Variants in CCN6 observed in about 807,000 individuals in gnomAD.
CCN6 encodes the protein CCN family member 6.
Under a neutral mutation model 37.4 loss-of-function variants are expected in CCN6, and 31 were observed. The ratio of observed to expected loss-of-function variants is 0.83; its 90% confidence interval spans 0.62 to 1.12. CCN6 has a LOEUF of 1.12. Among genes scored for constraint, CCN6 ranks in the 50% most tolerant of loss-of-function variants. The pLI is 0.00. For synonymous variants in CCN6, 137 were observed against 142.1 expected (o/e 0.96, Z 0.26); for missense variants, 369 against 413.8 (o/e 0.89, Z 0.94).
At chr6:112,058,170 C>A (rs111233236) in intron 1 of CCN6, among the ~76,000 whole-genome samples, 1 of 152,282 alleles carries the variant, frequency 6.6e-6, no homozygotes, top group Non-Finnish European at 1.5e-5. Flanking sequence ...TCCAGAAGCC[C>A]AGCAGTGTCC....
chr6:112,065,579 C>CACACACACGCACACACACAA (rs1776656188), intron 3 of CCN6, among the ~76,000 whole-genome samples: 2 of 107,040 alleles, frequency 1.9e-5, no homozygotes, highest in Non-Finnish European at 4.2e-5. Flanking sequence ...CACACACAAA[C>CACACACACGCACACACACAA]ACACACACGC....
intron 3 of CCN6, among the ~76,000 whole-genome samples, chr6:112,066,298 G>T (rs1161328851): frequency 6.6e-6 from 1 of 151,942 alleles, no homozygotes; most frequent in Non-Finnish European, 1.5e-5. Flanking sequence ...AGAACAGTTG[G>T]TTTTCTGCAT....
chr6:112,058,716 C>T (rs782198788), intron 1 of CCN6, among the ~76,000 whole-genome samples: 2 of 152,206 alleles, frequency 1.3e-5, no homozygotes, highest in South Asian at 4.1e-4. Flanking sequence ...ACTACAGGCA[C>T]TTTAACTTTC....
intron 3 of CCN6, among the ~76,000 whole-genome samples, chr6:112,067,549 T>G (rs1484120393): frequency 6.6e-6 from 1 of 152,140 alleles, no homozygotes; most frequent in Non-Finnish European, 1.5e-5. Context: ...ATTCGAAATC[T>G]TAGCCAATTG....
intron 1 of CCN6, chr6:112,060,084 A>C (rs782706203): frequency 1.5e-5 from 20 of 1,364,672 alleles, no homozygotes; most frequent in Non-Finnish European, 1.9e-5. Context: ...GTGTGGAGGC[A>C]GCAAGGGGGT....
In CCN6 at chr6:112,064,954, A is replaced by G. The variant is rs781861538; in HGVS notation, c.546A>G (p.Glu182=). Residue 182 remains glutamate, a synonymous_variant, in exon 3 of 5, where the codon GAA becomes GAG. Transcript: ENST00000368666. ...CTGATCAGTCAAACTGTAGCCTGGA[A>G]CCATTACTACAGCAGCTTTCAACAA... The part of the protein sequence containing the change: ...KKSDQSNCSL[E]PLLQQLSTSY... 8 of 1,613,906 alleles carry G rather than the reference A, an allele frequency of 5.0e-6. No individual in the cohort carries two copies. The highest frequency in any genetic ancestry group is 1.7e-5 in the Admixed American group (1 of 59,988).
At chr6:112,058,209 G>A (rs781977944) in intron 1 of CCN6, among the ~76,000 whole-genome samples, 2 of 152,046 alleles carry the variant, frequency 1.3e-5, no homozygotes, top group Non-Finnish European at 2.9e-5. Flanking sequence ...CCATTCTCAC[G>A]TTGTGCATGT....
In CCN6 at chr6:112,054,366, G is replaced by C. The variant is rs1342062756; in HGVS notation, c.9G>C (p.Gly3=). The change falls in exon 1 of 5, where the codon GGG becomes GGC. Residue 3 remains glycine, a synonymous_variant. Coordinates refer to ENST00000368666, the MANE Select transcript of CCN6 (RefSeq NM_198239.2). MQ[G]LLFSTLLLAG... Reference sequence around the variant, plus strand: ...TCCACGGTCCCAGCGACATGCAGGGGCTCCTCTTCTCCACTCTTCTGCTTG... The same window carrying C: ...TCCACGGTCCCAGCGACATGCAGGGCCTCCTCTTCTCCACTCTTCTGCTTG... 1 of 1,613,592 alleles carries C rather than the reference G, an allele frequency of 6.2e-7. No individual in the cohort carries two copies. The highest frequency in any genetic ancestry group is 1.3e-5 in the African/African-American group (1 of 74,776).
At chr6:112,067,581 A>G (rs1276861217) in intron 3 of CCN6, among the ~76,000 whole-genome samples, 1 of 152,166 alleles carries the variant, frequency 6.6e-6, no homozygotes, top group Non-Finnish European at 1.5e-5. Flanking sequence ...GGGCCTAAGA[A>G]CATAGGGAGT....
intron 1 of CCN6, among the ~76,000 whole-genome samples, chr6:112,059,051 G>C (rs1421164917): frequency 6.6e-6 from 1 of 152,188 alleles, no homozygotes; most frequent in Admixed American, 6.5e-5. Flanking sequence ...CAGAGATTTG[G>C]TGATTTGTTC....
At chr6:112,065,137 A>T in intron 3 of CCN6, 140 bp downstream of exon 3, 1 of 1,345,692 alleles carries the variant, frequency 7.4e-7, no homozygotes, top group Non-Finnish European at 1.0e-6. Flanking sequence ...CATTTTACTT[A>T]ATCTTTGCCT....
rs587639671 is a variant in CCN6 at position 112,062,418 on chromosome 6, C to A, written c.346+1130C>A. On this transcript the variant is annotated intron_variant, in intron 2 of 4. Coordinates refer to ENST00000368666, the MANE Select transcript of CCN6 (RefSeq NM_198239.2). ...AAACCAACAAACACTTAGTGACCAT[C>A]CACTACAGAGCCAAGCACTGTGGCC... Among the ~76,000 whole-genome samples, 8 of 152,328 alleles carry A rather than the reference C, an allele frequency of 5.3e-5. No individual in the cohort carries two copies. In the South Asian group the frequency reaches 1.7e-3, roughly 32 times the overall value.
rs182011050 is a variant in CCN6, at chr6:112,060,218, A to T, written c.49-773A>T. On this transcript the variant is annotated intron_variant, in intron 1 of 4. Coordinates refer to ENST00000368666, the MANE Select transcript of CCN6 (RefSeq NM_198239.2). ...AGTCACTCCATATGAGCAAAGAGTG[A>T]TATGAACTGGCTTATTTTTAAAGAA... 100 of 1,189,176 alleles carry T rather than the reference A, an allele frequency of 8.4e-5. 2 individuals are homozygous for T. In the East Asian group the frequency reaches 5.4e-3, roughly 65 times the overall value. 73.7% of individuals were successfully genotyped at this position (1,189,176 alleles called of 1,614,324 possible).
chr6:112,069,177 A>G (rs1428627154), intron 4 of CCN6, among the ~76,000 whole-genome samples, 162 bp from the exon 5 acceptor site: 5 of 152,188 alleles, frequency 3.3e-5, no homozygotes, highest in Non-Finnish European at 7.4e-5. Context: ...GACCTCTGAT[A>G]AGAAGGGGAT....
Position 112,068,253 on chromosome 6 carries a change from C to A in CCN6, c.638C>A (p.Ala213Glu), listed in dbSNP as rs1554314487. 6.2e-7 allele frequency: 1 copy of A among 1,610,190 alleles called. No homozygotes were observed. Among genetic ancestry groups the A allele is most frequent in the African/African-American group, 1.3e-5 (1 of 74,716 alleles). ...LIWKKKCLVQ[A>E]TKWTPCSRTC... ...TGGAAAAAAAAATGTCTTGTGCAAG[C>A]AACAAAATGGACTCCCTGCTCCAGA... Residue 213 changes from alanine to glutamate, a missense_variant, in exon 4 of 5, where the codon GCA becomes GAA. Ala to Glu is a moderately radical substitution (Grantham distance 107, BLOSUM62 -1). Transcript: ENST00000368666.
chr6:112,060,056 A>G (rs1554312473), intron 1 of CCN6: 1 of 1,366,538 alleles, frequency 7.3e-7, no homozygotes, highest in South Asian at 1.1e-5. Flanking sequence ...TCAGAGAACA[A>G]GGACGCTGGT....
chr6:112,053,723 G>A (rs1224920633), upstream of CCN6, among the ~76,000 whole-genome samples: 2 of 152,120 alleles, frequency 1.3e-5, no homozygotes, highest in African/African-American at 2.4e-5. Context: ...CCTGGCATGA[G>A]AAAGGTGTTG....
intron 3 of CCN6, 148 bp downstream of exon 3, chr6:112,065,145 C>T (rs1158679304): frequency 5.5e-6 from 7 of 1,281,010 alleles, no homozygotes; most frequent in Middle Eastern, 5.1e-4. Flanking sequence ...TTAATCTTTG[C>T]CTCAGACAGG....
In CCN6 at chr6:112,054,354, C is replaced by G; in HGVS notation, c.-4C>G. 6.2e-7 allele frequency: 1 copy of G among 1,613,836 alleles called. No individual in the cohort carries two copies. The highest frequency in any genetic ancestry group is 8.5e-7 in the Non-Finnish European group (1 of 1,179,996). On this transcript the variant is annotated 5_prime_UTR_variant, in exon 1 of 5. Coordinates refer to ENST00000368666, the MANE Select transcript of CCN6 (RefSeq NM_198239.2). ...CCTCAGGGTGGCTCCACGGTCCCAG[C>G]GACATGCAGGGGCTCCTCTTCTCCA...
Sources: allele counts gnomAD v4.1 joint callset (sites outside exome capture counted in the v4.1 genomes callset), GRCh38; gene constraint gnomAD v4.1.1; transcripts MANE v1.5; gene names NCBI Gene and HGNC (gene_info 2026-07-23, HGNC 2026-07-21).